Variants in MMD2 observed in about 807,000 individuals in gnomAD.
MMD2 encodes the protein monocyte to macrophage differentiation factor 2.
Under a neutral mutation model 33.5 loss-of-function variants are expected in MMD2, and 30 were observed. The observed-to-expected ratio is 0.90, with a 90% CI of 0.67 to 1.22. The LOEUF is 1.22. Among genes scored for constraint, MMD2 ranks in the 50% most tolerant of loss-of-function variants. The probability of loss-of-function intolerance (pLI) is 0.00; values close to 1 mark genes in which losing one functional copy is unlikely to be tolerated. For missense variants in MMD2, 364 were observed against 325.4 expected (o/e 1.12, Z -0.91); for synonymous variants, 129 against 123.0 (o/e 1.05, Z -0.32).
chr7:4,941,500 G>C (rs1476981217), intron 1 of MMD2, among the ~76,000 whole-genome samples: 1 of 151,844 alleles, frequency 6.6e-6, no homozygotes, highest in Non-Finnish European at 1.5e-5. Context: ...CGTGGTGGCG[G>C]GTGCCTGTAA....
intron 4 of MMD2, among the ~76,000 whole-genome samples, chr7:4,911,640 ATTTTATTTAT>A (rs1785011974): frequency 6.6e-6 from 1 of 150,462 alleles, no homozygotes; most frequent in African/African-American, 2.4e-5. Flanking sequence ...TATTTATTTT[ATTTTATTTAT>A]TTTATTTTAT....
In MMD2 at chr7:4,909,958, G is replaced by A; in HGVS notation, c.468-8C>T. 2 of 1,613,950 alleles carry A rather than the reference G, an allele frequency of 1.2e-6. No individual in the cohort carries two copies. Among genetic ancestry groups the A allele is most frequent in the Non-Finnish European group, 1.7e-6 (2 of 1,179,902 alleles). Reference sequence around the variant, plus strand: ...AGCTCCACAAGCTTGTACCTGGCAGGAAGACAAGCCGTGCCGGCCTTAGGA... The same window carrying A: ...AGCTCCACAAGCTTGTACCTGGCAGAAAGACAAGCCGTGCCGGCCTTAGGA... On this transcript the variant is annotated splice_region_variant and splice_polypyrimidine_tract_variant and intron_variant, in intron 5 of 6. Transcript: ENST00000401401.
intron 2 of MMD2, among the ~76,000 whole-genome samples, chr7:4,922,972 T>A (rs1326822548): frequency 6.6e-6 from 1 of 152,210 alleles, no homozygotes; most frequent in Non-Finnish European, 1.5e-5. Context: ...AGTCACCCAC[T>A]TCCTGGAGCC....
At chr7:4,955,185 T>C (rs1364047691) in intron 1 of MMD2, among the ~76,000 whole-genome samples, 1 of 152,180 alleles carries the variant, frequency 6.6e-6, no homozygotes. Context: ...ATGAATCTAT[T>C]TCAGGCCTCT....
intron 2 of MMD2, among the ~76,000 whole-genome samples, chr7:4,921,780 G>A (rs891205689): frequency 3.9e-5 from 6 of 152,064 alleles, no homozygotes; most frequent in South Asian, 2.1e-4. Flanking sequence ...GCTGGGCGCC[G>A]GATGGGGACA....
rs554034529 is a variant in MMD2, at chr7:4,931,244, C to T, written c.48-5712G>A. Among the ~76,000 whole-genome samples the T allele has an allele frequency of 2.1e-3, 326 of 152,240 alleles. 1 individual carries two copies. The highest frequency in any genetic ancestry group is 7.2e-3 in the African/African-American group (298 of 41,544). The stretch of plus-strand genomic sequence containing the variant: ...CACTGCAGCCTCGACCTCCTGGGCT[C>T]GAGCAATCCTCCCACCTCAGCCTCC... On this transcript the variant is annotated intron_variant, in intron 1 of 6. Coordinates refer to ENST00000401401, the MANE Select transcript of MMD2 (RefSeq NM_198403.4).
At chr7:4,905,115 G>C (rs1374570180), downstream of MMD2, among the ~76,000 whole-genome samples, 1 of 152,194 alleles carries the variant, frequency 6.6e-6, no homozygotes, top group East Asian at 1.9e-4. This position sits in a 1 kb window ranked among gnomAD's most constrained non-coding sequence, Gnocchi z 5.0. Context: ...CAGATGCCCA[G>C]GAGGAGGGGG....
In MMD2 at chr7:4,940,632, G is replaced by A. The variant is rs1785882738; in HGVS notation, c.48-15100C>T. Among the ~76,000 whole-genome samples, 1 of 152,206 alleles carries A rather than the reference G, an allele frequency of 6.6e-6. No homozygotes were observed. The highest frequency in any genetic ancestry group is 1.5e-5 in the Non-Finnish European group (1 of 68,030). ...ATTCAAGGCTCCTCCTGAAAGGCCGGCGGTATCTTGGCTCAGTCTTTGGGA... is the reference window on the plus strand; with the variant it reads ...ATTCAAGGCTCCTCCTGAAAGGCCGACGGTATCTTGGCTCAGTCTTTGGGA... On this transcript the variant is annotated intron_variant, in intron 1 of 6. Coordinates refer to ENST00000401401, the MANE Select transcript of MMD2 (RefSeq NM_198403.4). The surrounding 1 kb of genome is among the most constrained non-coding windows in gnomAD (Gnocchi z 5.0).
the MMD2 span, among the ~76,000 whole-genome samples, chr7:4,897,397 C>T: frequency 6.6e-6 from 1 of 151,900 alleles, no homozygotes; most frequent in East Asian, 1.9e-4. Context: ...ATTTCACAAA[C>T]ACAGAAAGGG....
At chr7:4,895,163 C>A in the MMD2 span, among the ~76,000 whole-genome samples, 2 of 151,698 alleles carry the variant, frequency 1.3e-5, no homozygotes, top group Non-Finnish European at 2.9e-5. Flanking sequence ...CTGCAACCTC[C>A]GCTCCCAGGT....
intron 1 of MMD2, among the ~76,000 whole-genome samples, chr7:4,932,497 G>A (rs940495391): frequency 5.3e-5 from 8 of 151,862 alleles, no homozygotes; most frequent in East Asian, 1.9e-4. Context: ...AACTGCCACC[G>A]CCACCATCAA....
chr7:4,937,722 G>A (rs1785781648), intron 1 of MMD2, among the ~76,000 whole-genome samples: 1 of 152,098 alleles, frequency 6.6e-6, no homozygotes, highest in Non-Finnish European at 1.5e-5. Context: ...TGCCCAGGCT[G>A]GTCTCAAACT....
At chr7:4,934,561 C>G (rs1785686227) in intron 1 of MMD2, among the ~76,000 whole-genome samples, 1 of 152,182 alleles carries the variant, frequency 6.6e-6, no homozygotes, top group Non-Finnish European at 1.5e-5. Context: ...AGGGAAGTGG[C>G]CTTTTCTTCC....
intron 1 of MMD2, among the ~76,000 whole-genome samples, chr7:4,926,917 T>C (rs887371379): frequency 3.3e-5 from 5 of 151,966 alleles, no homozygotes; most frequent in Admixed American, 3.3e-4. Context: ...GCTGATTTTT[T>C]ATATTTTTAG....
rs545820702 is a variant in MMD2, at chr7:4,948,440, T to A, written c.47+10531A>T. ...CGGGAGGCTGAGGCAGGAGAATCACTTGAACCTGGGAGGCAGAGGTTGCAG... is the reference window on the plus strand; with the variant it reads ...CGGGAGGCTGAGGCAGGAGAATCACATGAACCTGGGAGGCAGAGGTTGCAG... On this transcript the variant is annotated intron_variant, in intron 1 of 6. Transcript: ENST00000401401. Among the ~76,000 whole-genome samples the A allele has an allele frequency of 4.8e-4, 73 of 152,128 alleles. No individual in the cohort carries two copies. The South Asian group carries it at 0.01, about 22-fold the overall frequency.
At chr7:4,907,917 T>C (rs534813490) in intron 6 of MMD2, among the ~76,000 whole-genome samples, 11 of 152,276 alleles carry the variant, frequency 7.2e-5, no homozygotes, top group African/African-American at 2.2e-4. Flanking sequence ...TCCTCCTGCC[T>C]CAGCCTCCCC....
downstream of MMD2, among the ~76,000 whole-genome samples, chr7:4,901,342 G>A (rs971199759): frequency 2.0e-5 from 3 of 152,026 alleles, no homozygotes; most frequent in African/African-American, 4.8e-5. Flanking sequence ...TTGGGAGGCT[G>A]AGGCAAGAGA....
intron 1 of MMD2, among the ~76,000 whole-genome samples, chr7:4,950,750 G>A (rs1786220618): frequency 2.1e-5 from 3 of 141,880 alleles, no homozygotes; most frequent in South Asian, 4.4e-4. Context: ...TCACTCTGTC[G>A]CCCAGCAGGC....
chr7:4,940,877 C>G lies in MMD2; in HGVS notation c.48-15345G>C, dbSNP rs572116149. Among the ~76,000 whole-genome samples the G allele has an allele frequency of 6.6e-6, 1 of 152,260 alleles. No homozygotes were observed. The highest frequency in any genetic ancestry group is 1.9e-4 in the East Asian group (1 of 5,152). ...GAACGGCCCCCTGGGCCTGGGGGTA[C>G]TGACCCGACAGATCTGAGACCAGCT... On this transcript the variant is annotated intron_variant, in intron 1 of 6. Transcript: ENST00000401401. This position sits in a 1 kb window ranked among gnomAD's most constrained non-coding sequence, Gnocchi z 5.0.
Sources: allele counts gnomAD v4.1 joint callset (sites outside exome capture counted in the v4.1 genomes callset), GRCh38; gene constraint gnomAD v4.1.1; non-coding constraint Gnocchi (gnomAD v3.1); transcripts MANE v1.5; gene names NCBI Gene and HGNC (gene_info 2026-07-23, HGNC 2026-07-21).